Variants in WWOX observed in about 807,000 individuals in gnomAD.
WWOX encodes WW domain-containing oxidoreductase.
A neutral mutation model predicts 46.2 loss-of-function variants in WWOX; 69 were observed. The observed-to-expected ratio is 1.49, with a 90% CI of 1.23 to 1.82. The LOEUF (loss-of-function observed/expected upper bound fraction) is 1.82. Ranked by LOEUF, WWOX falls within the 40% of genes most tolerant of loss-of-function variation. WWOX has a pLI of 0.00. For synonymous variants in WWOX, 359 were observed against 202.6 expected (o/e 1.77, Z -6.56); for missense variants, 919 against 542.6 (o/e 1.69, Z -6.89).
chr16:78,897,195 G>A (rs2044720496), intron 8 of WWOX: 1 of 131,782 alleles, frequency 7.6e-6, no homozygotes, highest in Admixed American at 8.4e-5. Flanking sequence ...AGTGAGCCAA[G>A]ATGGCACTGC....
chr16:78,663,043 C>T (rs1417814445), intron 8 of WWOX, among the ~76,000 whole-genome samples: 2 of 152,142 alleles, frequency 1.3e-5, no homozygotes, highest in Non-Finnish European at 2.9e-5. Context: ...TTAAAGTGGA[C>T]AATTCATTGG....
intron 8 of WWOX, among the ~76,000 whole-genome samples, chr16:78,440,124 A>G (rs1212763311): frequency 1.3e-5 from 2 of 152,166 alleles, no homozygotes; most frequent in Non-Finnish European, 2.9e-5. Flanking sequence ...AGGATAGGGT[A>G]ATGGTGTTGA....
At chr16:79,131,334 G>A (rs1376604302) in intron 8 of WWOX, among the ~76,000 whole-genome samples, 1 of 152,100 alleles carries the variant, frequency 6.6e-6, no homozygotes, top group Non-Finnish European at 1.5e-5. Context: ...GAAAAAATTA[G>A]TTTGCACATG....
chr16:79,073,147 T>C (rs1373823162), intron 8 of WWOX, among the ~76,000 whole-genome samples: 1 of 103,430 alleles, frequency 9.7e-6, no homozygotes, highest in African/African-American at 3.7e-5. Context: ...ATAGTAGTTA[T>C]TCGTTATTAT....
At chr16:78,958,039 G>A (rs1022738048) in intron 8 of WWOX, among the ~76,000 whole-genome samples, 3 of 152,280 alleles carry the variant, frequency 2.0e-5, no homozygotes, top group Admixed American at 1.3e-4. Context: ...TTTCTGGCGC[G>A]TGGTATGCCT....
intron 8 of WWOX, among the ~76,000 whole-genome samples, chr16:78,880,180 A>T (rs532986066): frequency 8.7e-4 from 132 of 152,318 alleles, no homozygotes; most frequent in African/African-American, 3.1e-3. Flanking sequence ...ATCAGAAAAG[A>T]CAACAGTACC....
chr16:79,141,048 G>C (rs983509265), intron 8 of WWOX, among the ~76,000 whole-genome samples: 2 of 152,200 alleles, frequency 1.3e-5, no homozygotes, highest in East Asian at 3.8e-4. Flanking sequence ...AAATCACTAA[G>C]CTAAAGGGAA....
intron 8 of WWOX, among the ~76,000 whole-genome samples, chr16:78,646,346 C>G (rs1357721081): frequency 1.3e-5 from 2 of 152,154 alleles, no homozygotes; most frequent in African/African-American, 4.8e-5. Flanking sequence ...GCCATCCTGT[C>G]CTAACTAAAG....
intron 8 of WWOX, among the ~76,000 whole-genome samples, chr16:79,093,943 C>T (rs960748988): frequency 2.6e-5 from 4 of 152,132 alleles, no homozygotes; most frequent in African/African-American, 9.7e-5. Context: ...AAGCCCAGAG[C>T]CTTCTATCAC....
At chr16:79,158,192 G>A (rs77402053) in intron 8 of WWOX, among the ~76,000 whole-genome samples, 1 of 152,154 alleles carries the variant, frequency 6.6e-6, no homozygotes, top group Non-Finnish European at 1.5e-5. Context: ...TTTCATAGAT[G>A]AGGTGAGCAA....
chr16:78,412,904 C>G (rs1283110801), intron 6 of WWOX, among the ~76,000 whole-genome samples: 5 of 152,190 alleles, frequency 3.3e-5, no homozygotes, highest in Non-Finnish European at 5.9e-5. Context: ...AAGTGAATGT[C>G]CTTTTTTCTC....
chr16:78,306,853 C>G (rs2080143643), intron 5 of WWOX, among the ~76,000 whole-genome samples: 2 of 151,654 alleles, frequency 1.3e-5, no homozygotes, highest in East Asian at 1.9e-4. Context: ...ACAATCCCCA[C>G]TGAGCCCCAC....
At chr16:78,220,740 A>G (rs1374126047) in intron 5 of WWOX, among the ~76,000 whole-genome samples, 1 of 152,234 alleles carries the variant, frequency 6.6e-6, no homozygotes, top group Non-Finnish European at 1.5e-5. Context: ...CAAGAATGAA[A>G]GGACCAGAAT....
rs1225821145 is a variant in WWOX, at chr16:79,099,790, G to A, written c.1057-111818G>A. The stretch of plus-strand genomic sequence containing the variant: ...TATTTGGTTACAGTATGAGAGACAA[G>A]GGACTAAAATAAGGTTGTGGATCAT... On this transcript the variant is annotated intron_variant, in intron 8 of 8. Transcript: ENST00000566780. 3.3e-5 allele frequency among the ~76,000 whole-genome samples: 5 copies of A among 152,292 alleles called. No individual in the cohort carries two copies. The South Asian group carries it at 1.0e-3, about 32-fold the overall frequency.
intron 8 of WWOX, among the ~76,000 whole-genome samples, chr16:78,710,394 TCTGCTATGCAG>T (rs2048413220): frequency 6.8e-6 from 1 of 147,404 alleles, no homozygotes; most frequent in Non-Finnish European, 1.5e-5. Context: ...GCCTTCCGCA[TCTGCTATGCAG>T]CATTGGCCAC....
Position 78,994,934 on chromosome 16 carries a change from CT to C in WWOX, c.1057-216664del, listed in dbSNP as rs796686042. Among the ~76,000 whole-genome samples the C allele has an allele frequency of 4.8e-3, 653 of 135,950 alleles. 8 individuals are homozygous for C. The highest frequency in any genetic ancestry group is 0.015 in the African/African-American group (579 of 37,522). The allele number at this position is 135,950 out of a possible 152,430, so 89.2% of individuals were successfully genotyped here. ...CTGGAAGGGCAAATGAGGTGCAAGCCTTTTTTTTTTCTTTCTTTTCTTCTTC... is the reference window on the plus strand; with the variant it reads ...CTGGAAGGGCAAATGAGGTGCAAGCCTTTTTTTTTCTTTCTTTTCTTCTTC... On this transcript the variant is annotated intron_variant, in intron 8 of 8. Coordinates refer to ENST00000566780, the MANE Select transcript of WWOX (RefSeq NM_016373.4).
intron 8 of WWOX, among the ~76,000 whole-genome samples, chr16:78,729,046 T>C (rs989384875): frequency 2.0e-5 from 3 of 151,992 alleles, no homozygotes; most frequent in African/African-American, 2.4e-5. Flanking sequence ...ACCAAAGATA[T>C]CCCTAAAGAC....
At chr16:78,641,069 C>G (rs1234439556) in intron 8 of WWOX, among the ~76,000 whole-genome samples, 1 of 152,006 alleles carries the variant, frequency 6.6e-6, no homozygotes, top group Non-Finnish European at 1.5e-5. Flanking sequence ...ACAGCTGAAA[C>G]ACTCCTCAAA....
chr16:78,496,090 C>T (rs777655649), intron 8 of WWOX: 1 of 151,902 alleles, frequency 6.6e-6, no homozygotes, highest in East Asian at 1.9e-4. Flanking sequence ...GCTATTTTTC[C>T]ACCTGGTACT....
Sources: gnomAD v4.1 joint callset for allele counts (sites outside exome capture counted in the v4.1 genomes callset) on GRCh38, gnomAD v4.1.1 for gene constraint, MANE v1.5 for transcripts, NCBI Gene and HGNC (gene_info 2026-07-23, HGNC 2026-07-21) for gene names.